The following DMD variants were observed in gnomAD, a reference collection of about 807,000 sequenced individuals.
DMD encodes the protein mutant dystrophin.
DMD carries 63 observed loss-of-function variants against 330.1 expected under a neutral mutation model. That is an observed-to-expected ratio of 0.19 (90% CI 0.16 to 0.24). The LOEUF (loss-of-function observed/expected upper bound fraction) is 0.24, where lower values mean the gene tolerates loss of function less well. Among genes scored for constraint, DMD ranks in the 10% least tolerant of loss-of-function variants. The probability of loss-of-function intolerance (pLI) is 1.00; values close to 1 mark genes in which losing one functional copy is unlikely to be tolerated. For synonymous variants in DMD, 1,223 were observed against 959.8 expected, an observed-to-expected ratio of 1.27 and a Z score of -5.07; for missense variants, 3,344 against 2,684.1, an observed-to-expected ratio of 1.25 and a Z score of -5.43.
chrX:31,376,852 C>T (rs1001007516), intron 60 of DMD, among the ~76,000 whole-genome samples: 6 of 111,728 alleles, frequency 5.4e-5, no homozygotes, highest in Non-Finnish European at 1.1e-4. Context: ...CAGAGTCACA[C>T]AGGATTCTGC....
At chrX:31,991,508 A>C (rs1219912479) in intron 44 of DMD, among the ~76,000 whole-genome samples, 1 of 111,008 alleles carries the variant, frequency 9.0e-6, no homozygotes, top group Non-Finnish European at 1.9e-5. Flanking sequence ...AGGGGAGAGC[A>C]GGGATGAATT....
At chrX:32,503,587 ACT>A (rs1284862185) in intron 18 of DMD, among the ~76,000 whole-genome samples, 1 of 111,049 alleles carries the variant, frequency 9.0e-6, no homozygotes, top group Non-Finnish European at 1.9e-5. Context: ...ACAGAGTCTC[ACT>A]CTGTCGCCCA....
At chrX:31,203,467 C>G (rs1251954934) in intron 67 of DMD, among the ~76,000 whole-genome samples, 2 of 109,404 alleles carry the variant, frequency 1.8e-5, no homozygotes, top group African/African-American at 6.7e-5. Flanking sequence ...CAGTGATGGA[C>G]ATTAGCAGAG....
chrX:32,660,419 T>C (rs1459171831), intron 9 of DMD, among the ~76,000 whole-genome samples: 1 of 111,191 alleles, frequency 9.0e-6, no homozygotes, highest in Non-Finnish European at 1.9e-5. Flanking sequence ...ACATAGAAAG[T>C]AAACGTCCTA....
intron 29 of DMD, among the ~76,000 whole-genome samples, chrX:32,413,150 C>A (rs1183218634): frequency 1.8e-5 from 2 of 110,611 alleles, no homozygotes; most frequent in Admixed American, 9.7e-5. Flanking sequence ...CACATTCTGA[C>A]AACTCTCAAC....
At chrX:32,572,907 A>G (rs924680405) in intron 15 of DMD, among the ~76,000 whole-genome samples, 6 of 110,878 alleles carry the variant, frequency 5.4e-5, no homozygotes. Context: ...GTTGTTTAAA[A>G]GAGTCTGGGA....
intron 62 of DMD, among the ~76,000 whole-genome samples, chrX:31,321,242 A>G (rs769388773): frequency 9.0e-6 from 1 of 111,546 alleles, no homozygotes; most frequent in Admixed American, 9.6e-5. Flanking sequence ...CTTAGAGCTA[A>G]AAAGGATCTT....
intron 62 of DMD, among the ~76,000 whole-genome samples, chrX:31,318,518 A>G (rs1301091843): frequency 8.9e-6 from 1 of 112,568 alleles, no homozygotes; most frequent in African/African-American, 3.2e-5. Context: ...AGCAGGAAGC[A>G]GCAGAAAGTT....
chrX:32,411,708 T>G (rs1208955973), intron 30 of DMD, 44 bp downstream of exon 30: 7 of 1,189,818 alleles, frequency 5.9e-6, no homozygotes, highest in African/African-American at 1.8e-5. Flanking sequence ...TTTGTTGAAG[T>G]AATAAAAACA....
chrX:32,017,022 A>T (rs142288399), intron 44 of DMD, among the ~76,000 whole-genome samples: 2,332 of 112,158 alleles, frequency 0.021, 34 homozygotes, highest in Non-Finnish European at 0.033. Context: ...GCTCCCATAA[A>T]ATGCTTGGGG....
chrX:32,123,459 C>A (rs1489164255), intron 44 of DMD, among the ~76,000 whole-genome samples: 6 of 106,965 alleles, frequency 5.6e-5, no homozygotes, highest in Non-Finnish European at 1.2e-4. Flanking sequence ...GATCTGGGAC[C>A]CACACTTTGA....
At chrX:31,632,972 T>C (rs966745387) in intron 54 of DMD, among the ~76,000 whole-genome samples, 20 of 111,764 alleles carry the variant, frequency 1.8e-4, no homozygotes, top group African/African-American at 6.5e-4. Flanking sequence ...AGTAGTCCAT[T>C]CCTAGCAAAA....
At chrX:32,762,417 A>T (rs938143159) in intron 7 of DMD, among the ~76,000 whole-genome samples, 1 of 111,867 alleles carries the variant, frequency 8.9e-6, no homozygotes, top group Non-Finnish European at 1.9e-5. Context: ...CCAACGGACA[A>T]AGTCCTTGAC....
intron 7 of DMD, among the ~76,000 whole-genome samples, chrX:32,779,263 CAG>C (rs35991046): frequency 0.081 from 8,837 of 109,099 alleles, 945 homozygotes; most frequent in African/African-American, 0.28. Flanking sequence ...TGCACACACA[CAG>C]AGAGTCATTA....
rs754627614 is a variant in DMD at position 32,463,642 on chromosome X, A to T, written c.3277-48T>A. On this transcript the variant is annotated intron_variant, in intron 24 of 78. Coordinates refer to ENST00000357033, the MANE Select transcript of DMD (RefSeq NM_004006.3). ...GCCAGCTGAAAAAAATTACTGCCAC[A>T]TATTAGATATGAAACATAGCTAGAA... 7.8e-6 allele frequency: 8 copies of T among 1,027,832 alleles called. No individual in the cohort carries two copies. In the East Asian group the frequency reaches 2.8e-4, roughly 36 times the overall value. The allele number at this position is 1,027,832 out of a possible 1,213,427, so 84.7% of individuals were successfully genotyped here. A position where few individuals can be genotyped will look rare whatever the true frequency, so the allele number is the denominator to read the frequency against.
intron 44 of DMD, among the ~76,000 whole-genome samples, chrX:32,010,904 T>C (rs1299632294): frequency 1.8e-5 from 2 of 112,365 alleles, no homozygotes; most frequent in East Asian, 2.8e-4. Context: ...CAATAAATGA[T>C]AGTTCCATGA....
At chrX:32,778,862 C>T (rs997865841) in intron 7 of DMD, among the ~76,000 whole-genome samples, 4 of 106,396 alleles carry the variant, frequency 3.8e-5, no homozygotes, top group African/African-American at 1.5e-4. Flanking sequence ...CCTTAATTCC[C>T]CTGTGTCATG....
At chrX:32,956,255 G>A (rs929300450) in intron 2 of DMD, among the ~76,000 whole-genome samples, 1 of 111,708 alleles carries the variant, frequency 9.0e-6, no homozygotes, top group African/African-American at 3.3e-5. Context: ...AAATTGCGTT[G>A]AGCAGTGTGG....
At chrX:33,162,314 A>G (rs1328615678) in intron 1 of DMD, among the ~76,000 whole-genome samples, 1 of 111,933 alleles carries the variant, frequency 8.9e-6, no homozygotes, top group Admixed American at 9.5e-5. Flanking sequence ...ATGGTTAGGG[A>G]CGTTGACTGC....
Sources: gnomAD v4.1 joint callset for allele counts (sites outside exome capture counted in the v4.1 genomes callset) on GRCh38, gnomAD v4.1.1 for gene constraint, MANE v1.5 for transcripts, NCBI Gene and HGNC (gene_info 2026-07-23, HGNC 2026-07-21) for gene names.